ARIH1: variants seen among roughly 807,000 people sequenced by gnomAD.
The protein encoded by ARIH1 is E3 ubiquitin-protein ligase ARIH1.
A neutral mutation model predicts 85.0 loss-of-function variants in ARIH1; 8 were observed. The observed-to-expected ratio is 0.09, with a 90% CI of 0.06 to 0.17. The LOEUF (loss-of-function observed/expected upper bound fraction) is 0.17, where lower values mean the gene tolerates loss of function less well. Ranked by LOEUF, ARIH1 falls within the 10% of genes least tolerant of loss-of-function variation. The probability of loss-of-function intolerance (pLI) is 1.00; values close to 1 mark genes in which losing one functional copy is unlikely to be tolerated. For missense variants in ARIH1, 311 were observed against 718.1 expected, an observed-to-expected ratio of 0.43 and a Z score of 6.48; for synonymous variants, 238 against 253.6, an observed-to-expected ratio of 0.94 and a Z score of 0.59.
At chr15:72,520,997 C>T (rs2063997146) in intron 2 of ARIH1, among the ~76,000 whole-genome samples, 1 of 152,006 alleles carries the variant, frequency 6.6e-6, no homozygotes, top group South Asian at 2.1e-4. Flanking sequence ...GCACGCATCA[C>T]CATACCTAGT....
rs907723341 is a variant in ARIH1, at chr15:72,600,044, G to C, written c.*16752G>C. The C allele has an allele frequency of 2.6e-5, 4 of 152,194 alleles. No individual in the cohort carries two copies. Among genetic ancestry groups the C allele is most frequent in the African/African-American group, 9.7e-5 (4 of 41,446 alleles). 9.4% of individuals were successfully genotyped at this position (152,194 alleles called of 1,614,324 possible). A position where few individuals can be genotyped will look rare whatever the true frequency, so the allele number is the denominator to read the frequency against. On this transcript the variant is annotated 3_prime_UTR_variant, in exon 14 of 14. Transcript: ENST00000379887. The stretch of plus-strand genomic sequence containing the variant: ...TTCCAAAGAGAAATAAGATGTTACA[G>C]ACTTGTCCAGCAGGTGGCATCAGAA...
intron 7 of ARIH1, among the ~76,000 whole-genome samples, chr15:72,565,044 CT>C (rs1266639608): frequency 4.6e-5 from 7 of 151,980 alleles, no homozygotes; most frequent in Admixed American, 2.6e-4. Flanking sequence ...TCAAGGGGCT[CT>C]AGACCCAGCA....
intron 3 of ARIH1, among the ~76,000 whole-genome samples, chr15:72,547,498 G>A (rs1318183945): frequency 6.6e-6 from 1 of 152,174 alleles, no homozygotes; most frequent in African/African-American, 2.4e-5. Context: ...CTCCCATAGT[G>A]CTGGGATTAC....
At chr15:72,504,086 C>T (rs1016532342) in intron 1 of ARIH1, among the ~76,000 whole-genome samples, 5 of 152,114 alleles carry the variant, frequency 3.3e-5, no homozygotes. Flanking sequence ...TGGAGTTTCG[C>T]CCTTGTCGCC....
chr15:72,555,397 G>A (rs755322203), intron 4 of ARIH1, 34 bp downstream of exon 4: 1 of 1,508,720 alleles, frequency 6.6e-7, no homozygotes, highest in Non-Finnish European at 9.2e-7. Flanking sequence ...AGTTTTTGTT[G>A]AATTTCCTAT....
chr15:72,492,527 T>C (rs1370084726), intron 1 of ARIH1, among the ~76,000 whole-genome samples: 1 of 152,208 alleles, frequency 6.6e-6, no homozygotes, highest in East Asian at 1.9e-4. Context: ...CTTCACCTCT[T>C]ATGAAGGGGA....
intron 5 of ARIH1, among the ~76,000 whole-genome samples, chr15:72,559,735 T>C (rs145229124): frequency 6.6e-6 from 1 of 152,354 alleles, no homozygotes; most frequent in Non-Finnish European, 1.5e-5. Flanking sequence ...TCATCTGCTT[T>C]CTGTCTTTGT....
intron 2 of ARIH1, among the ~76,000 whole-genome samples, chr15:72,531,487 C>T (rs1168082416): frequency 1.3e-5 from 2 of 152,024 alleles, no homozygotes; most frequent in African/African-American, 4.8e-5. Context: ...AGGCTGGTCT[C>T]GAACTCCTGA....
intron 1 of ARIH1, among the ~76,000 whole-genome samples, chr15:72,512,954 G>A (rs1425193208): frequency 1.3e-5 from 2 of 152,076 alleles, no homozygotes; most frequent in African/African-American, 2.4e-5. Flanking sequence ...TGCTTTGTCT[G>A]ATAGAAATAT....
rs1441743976 is a variant in ARIH1, at chr15:72,595,514, T to A, written c.*12222T>A. ...TGTTTTTGTTTTGAGACAGGGTCTC[T>A]GTCACGCAGGCTGGAGTGTGGTGGC... On this transcript the variant is annotated 3_prime_UTR_variant, in exon 14 of 14. Coordinates refer to ENST00000379887, the MANE Select transcript of ARIH1 (RefSeq NM_005744.5). 2 of 151,392 alleles carry A rather than the reference T, an allele frequency of 1.3e-5. No individual in the cohort carries two copies. The highest frequency in any genetic ancestry group is 3.9e-4 in the East Asian group (2 of 5,110). The allele number at this position is 151,392 out of a possible 1,614,324, so 9.4% of individuals were successfully genotyped here. A position where few individuals can be genotyped will look rare whatever the true frequency, so the allele number is the denominator to read the frequency against.
Position 72,591,032 on chromosome 15 carries a change from G to C in ARIH1, c.*7740G>C, listed in dbSNP as rs1208311572. On this transcript the variant is annotated 3_prime_UTR_variant, in exon 14 of 14. Coordinates refer to ENST00000379887, the MANE Select transcript of ARIH1 (RefSeq NM_005744.5). ...AGGTCGGGAGTTCGAGACCAGCCTG[G>C]CCAACACAGTGAAACCTCATCTCTA... 6.6e-6 allele frequency: 1 copy of C among 151,766 alleles called. No homozygotes were observed. The highest frequency in any genetic ancestry group is 1.5e-5 in the Non-Finnish European group (1 of 67,962). 9.4% of individuals were successfully genotyped at this position (151,766 alleles called of 1,614,324 possible). A position where few individuals can be genotyped will look rare whatever the true frequency, so the allele number is the denominator to read the frequency against.
chr15:72,561,634 T>TA, intron 6 of ARIH1, 85 bp downstream of exon 6: 1 of 824,124 alleles, frequency 1.2e-6, no homozygotes, highest in East Asian at 2.8e-5. Flanking sequence ...TTATTGACAG[T>TA]AAAAAACATC....
At chr15:72,564,691 A>G (rs977819626) in intron 7 of ARIH1, among the ~76,000 whole-genome samples, 1 of 152,228 alleles carries the variant, frequency 6.6e-6, no homozygotes, top group Non-Finnish European at 1.5e-5. Flanking sequence ...CTTCTAAACA[A>G]CATAAATTTA....
chr15:72,535,594 T>C (rs921720404), intron 2 of ARIH1, among the ~76,000 whole-genome samples: 15 of 152,246 alleles, frequency 9.9e-5, no homozygotes, highest in African/African-American at 3.6e-4. Context: ...GCATTAGATA[T>C]ATTGAAAAAT....
rs190299646 is a variant in ARIH1 at position 72,547,381 on chromosome 15, G to C, written c.588+2417G>C. On this transcript the variant is annotated intron_variant, in intron 3 of 13. Coordinates refer to ENST00000379887, the MANE Select transcript of ARIH1 (RefSeq NM_005744.5). ...CCGAGTAGCTGGGACTACAAGCGCC[G>C]GCCACCACACCCGGCTAATTTTTGT... Among the ~76,000 whole-genome samples the C allele has an allele frequency of 1.3e-3, 190 of 151,460 alleles. 1 individual carries two copies. The highest frequency in any genetic ancestry group is 4.5e-3 in the African/African-American group (184 of 41,276).
At chr15:72,512,430 T>C (rs2063954654) in intron 1 of ARIH1, among the ~76,000 whole-genome samples, 1 of 152,024 alleles carries the variant, frequency 6.6e-6, no homozygotes, top group Non-Finnish European at 1.5e-5. Context: ...GCAAAGAGTT[T>C]GTAGTATTTG....
rs1037325377 is a variant in ARIH1 at position 72,587,115 on chromosome 15, T to C, written c.*3823T>C. 2.2e-6 allele frequency: 1 copy of C among 447,216 alleles called. No homozygotes were observed. Among genetic ancestry groups the C allele is most frequent in the African/African-American group, 2.0e-5 (1 of 49,082 alleles). 27.7% of individuals were successfully genotyped at this position (447,216 alleles called of 1,614,324 possible). A position where few individuals can be genotyped will look rare whatever the true frequency, so the allele number is the denominator to read the frequency against. ...CTCTTCAAAGCACTTCAACTTACTG[T>C]CTAAAACAAGTGGAGAAGAAATTGC... On this transcript the variant is annotated 3_prime_UTR_variant, in exon 14 of 14. Coordinates refer to ENST00000379887, the MANE Select transcript of ARIH1 (RefSeq NM_005744.5).
intron 10 of ARIH1, among the ~76,000 whole-genome samples, chr15:72,571,299 C>A (rs2064245429): frequency 6.6e-6 from 1 of 152,090 alleles, no homozygotes; most frequent in Non-Finnish European, 1.5e-5. Flanking sequence ...AAATTTTATT[C>A]TTCATCTTCT....
In ARIH1 at chr15:72,474,967, C is replaced by G. The variant is rs1210904578; in HGVS notation, c.328C>G (p.Leu110Val). The G allele has an allele frequency of 5.1e-6, 8 of 1,560,104 alleles. No individual in the cohort carries two copies. Among genetic ancestry groups the G allele is most frequent in the Non-Finnish European group, 6.9e-6 (8 of 1,151,894 alleles). Residue 110 changes from leucine to valine, a missense_variant, in exon 1 of 14, where the codon CTA (leucine) becomes GTA (valine). By Grantham distance (32) the Leu-to-Val change is conservative. Transcript: ENST00000379887. ...CGAGGTGCTCACGGCCGAGCAGATT[C>G]TACAACACATGGTGGAATGTATCCG... is the stretch of plus-strand genomic sequence containing the variant. ...RYEVLTAEQILQHMVECIREV... is the reference protein window; with the variant it reads ...RYEVLTAEQIVQHMVECIREV...
Sources: allele counts gnomAD v4.1 joint callset (sites outside exome capture counted in the v4.1 genomes callset), GRCh38; gene constraint gnomAD v4.1.1; transcripts MANE v1.5; gene names NCBI Gene and HGNC (gene_info 2026-07-23, HGNC 2026-07-21).